Variants in CHRM2 observed in about 807,000 individuals in gnomAD.
The protein encoded by CHRM2 is cholinergic receptor muscarinic 2.
A neutral mutation model predicts 25.0 loss-of-function variants in CHRM2; 8 were observed. The ratio of observed to expected loss-of-function variants is 0.32; its 90% CI spans 0.19 to 0.58. The LOEUF (loss-of-function observed/expected upper bound fraction) is 0.58. Ranked by LOEUF, CHRM2 falls within the 20% of genes least tolerant of loss-of-function variation. The pLI is 0.88. For synonymous variants in CHRM2, 202 were observed against 205.7 expected, an observed-to-expected ratio of 0.98 and a Z score of 0.15; for missense variants, 440 against 567.1, an observed-to-expected ratio of 0.78 and a Z score of 2.28.
At chr7:136,982,879 T>C (rs1277928457) in intron 2 of CHRM2, among the ~76,000 whole-genome samples, 1 of 152,222 alleles carries the variant, frequency 6.6e-6, no homozygotes, top group Non-Finnish European at 1.5e-5. Context: ...TAACATTTTT[T>C]CCTTCATTTC....
intron 2 of CHRM2, among the ~76,000 whole-genome samples, chr7:136,901,517 G>A (rs1200886415): frequency 2.6e-5 from 4 of 152,022 alleles, no homozygotes; most frequent in Non-Finnish European, 5.9e-5. Context: ...GACCCAAACA[G>A]ATTAGCAGAT....
chr7:136,893,505 C>G (rs1050952288), intron 2 of CHRM2, among the ~76,000 whole-genome samples: 4 of 152,152 alleles, frequency 2.6e-5, no homozygotes, highest in Non-Finnish European at 5.9e-5. Flanking sequence ...TGATGGTTAT[C>G]TAAGATAACT....
At chr7:136,944,776 G>T (rs1799973922) in intron 2 of CHRM2, among the ~76,000 whole-genome samples, 1 of 151,958 alleles carries the variant, frequency 6.6e-6, no homozygotes, top group African/African-American at 2.4e-5. Flanking sequence ...GTACTATTAG[G>T]TTGGTGCAAA....
chr7:136,896,687 G>C (rs893598800), intron 2 of CHRM2, among the ~76,000 whole-genome samples: 17 of 152,028 alleles, frequency 1.1e-4, no homozygotes, highest in Non-Finnish European at 1.8e-4. Flanking sequence ...CTCAGCTGAG[G>C]CTAAAGAATC....
chr7:136,987,353 T>A (rs962141584), intron 2 of CHRM2, among the ~76,000 whole-genome samples: 2 of 152,188 alleles, frequency 1.3e-5, no homozygotes, highest in Non-Finnish European at 2.9e-5. Context: ...CTTCTCCACA[T>A]GTGGGGACTG....
chr7:136,883,834 C>T (rs1175596238), intron 2 of CHRM2, among the ~76,000 whole-genome samples: 2 of 152,120 alleles, frequency 1.3e-5, no homozygotes, highest in East Asian at 3.9e-4. Flanking sequence ...TATGAAATGA[C>T]GCCAACCTAT....
intron 3 of CHRM2, among the ~76,000 whole-genome samples, chr7:137,002,161 G>GT (rs1175756050): frequency 2.0e-5 from 3 of 151,982 alleles, no homozygotes; most frequent in Admixed American, 1.3e-4. Flanking sequence ...TGTTTTGTTT[G>GT]TTTTTTATCA....
intron 2 of CHRM2, among the ~76,000 whole-genome samples, chr7:136,882,724 C>T (rs1796313394): frequency 6.6e-6 from 1 of 151,980 alleles, no homozygotes; most frequent in African/African-American, 2.4e-5. Context: ...TTTATCTAAG[C>T]CTGAGCAAAA....
intron 2 of CHRM2, among the ~76,000 whole-genome samples, chr7:136,954,498 ATAGTT>A (rs1800603655): frequency 6.6e-6 from 1 of 152,176 alleles, no homozygotes; most frequent in African/African-American, 2.4e-5. Flanking sequence ...ACTTAATAAC[ATAGTT>A]TATTTTATTT....
chr7:136,918,554 T>C (rs2130721717), intron 2 of CHRM2, among the ~76,000 whole-genome samples: 1 of 148,944 alleles, frequency 6.7e-6, no homozygotes, highest in South Asian at 2.2e-4. Flanking sequence ...TGAAAATATT[T>C]CCCTGAAGTA....
chr7:136,934,821 G>A (rs1414114017), intron 2 of CHRM2, among the ~76,000 whole-genome samples: 1 of 150,426 alleles, frequency 6.6e-6, no homozygotes, highest in East Asian at 1.9e-4. Context: ...AGATTAATAT[G>A]CAAAAAGAAA....
rs984931593 is a variant in CHRM2 at position 136,869,248 on chromosome 7, T to G, written c.-282-13T>G. 4.6e-5 allele frequency: 7 copies of G among 152,354 alleles called. No individual in the cohort carries two copies. The highest frequency in any genetic ancestry group is 1.4e-4 in the African/African-American group (6 of 41,430). 9.4% of individuals were successfully genotyped at this position (152,354 alleles called of 1,614,324 possible). ...TCTCGGCATCAACTAATCTTTTCCT[T>G]TTCTTTTGCAAGATCAAGGGAGAAA... On this transcript the variant is annotated splice_polypyrimidine_tract_variant and intron_variant, in intron 1 of 3. Coordinates refer to ENST00000680005, the MANE Select transcript of CHRM2 (RefSeq NM_001006630.2). This position sits in a 1 kb window ranked among gnomAD's most constrained non-coding sequence, Gnocchi z 4.9.
chr7:136,920,495 C>A (rs1181761558), intron 2 of CHRM2, among the ~76,000 whole-genome samples: 1 of 152,088 alleles, frequency 6.6e-6, no homozygotes, highest in Non-Finnish European at 1.5e-5. Context: ...ATTTTTGAGG[C>A]TCTAGATGGC....
rs188861989 is a variant in CHRM2, at chr7:136,953,903, C to T, written c.-124-38284C>T. 3.6e-3 allele frequency among the ~76,000 whole-genome samples: 545 copies of T among 152,200 alleles called. 3 individuals are homozygous for T. Among genetic ancestry groups the T allele is most frequent in the Non-Finnish European group, 6.0e-3 (410 of 68,006 alleles). On this transcript the variant is annotated intron_variant, in intron 2 of 3. Coordinates refer to ENST00000680005, the MANE Select transcript of CHRM2 (RefSeq NM_001006630.2). Reference sequence around the variant, plus strand: ...GACTAATCCAAGCAGCACAGCACTGCCTCTGACTGGCACATGCATTAGGAC... The same window carrying T: ...GACTAATCCAAGCAGCACAGCACTGTCTCTGACTGGCACATGCATTAGGAC...
At chr7:136,989,412 AC>A (rs1182249798) in intron 2 of CHRM2, among the ~76,000 whole-genome samples, 1 of 152,158 alleles carries the variant, frequency 6.6e-6, no homozygotes, top group African/African-American at 2.4e-5. Flanking sequence ...ATGCATACTT[AC>A]GGAAATTCAG....
chr7:137,016,423 T>C lies in CHRM2; in HGVS notation c.*157T>C. 2.6e-6 allele frequency: 2 copies of C among 782,246 alleles called. No homozygotes were observed. Among genetic ancestry groups the C allele is most frequent in the Non-Finnish European group, 4.1e-6 (2 of 482,432 alleles). 48.5% of individuals were successfully genotyped at this position (782,246 alleles called of 1,614,324 possible). A position where few individuals can be genotyped will look rare whatever the true frequency, so the allele number is the denominator to read the frequency against. Reference sequence around the variant, plus strand: ...CCAGCAGTGACACACTTATCACGCCTAGGCTCCAGTTTGCAAAAATTGCAC... The same window carrying C: ...CCAGCAGTGACACACTTATCACGCCCAGGCTCCAGTTTGCAAAAATTGCAC... On this transcript the variant is annotated 3_prime_UTR_variant, in exon 4 of 4. Transcript: ENST00000680005.
At position 136,879,930 on chromosome 7, in the gene CHRM2, G is replaced by C. The variant is rs904992619; in HGVS notation, c.-125+10512G>C. On this transcript the variant is annotated intron_variant, in intron 2 of 3. Coordinates refer to ENST00000680005, the MANE Select transcript of CHRM2 (RefSeq NM_001006630.2). ...ATTGAAATGTTCAGTTTGAACCGCA[G>C]GGGTCGTTTTCATGGAAAAAAAACA... is the stretch of plus-strand genomic sequence containing the variant. 2.0e-5 allele frequency among the ~76,000 whole-genome samples: 3 copies of C among 151,894 alleles called. No homozygotes were observed. The East Asian group carries it at 5.8e-4, about 29-fold the overall frequency.
chr7:136,980,202 T>A (rs1035586037), intron 2 of CHRM2, among the ~76,000 whole-genome samples: 11 of 152,160 alleles, frequency 7.2e-5, no homozygotes, highest in Admixed American at 2.6e-4. Flanking sequence ...ATTCTCTTTG[T>A]AGCAGTTGTG....
intron 2 of CHRM2, among the ~76,000 whole-genome samples, chr7:136,896,361 G>C (rs1318591905): frequency 1.3e-5 from 2 of 152,122 alleles, no homozygotes; most frequent in African/African-American, 4.8e-5. Flanking sequence ...CTGTTTTCCT[G>C]AATTCCCAGG....
Sources: gnomAD v4.1 joint callset for allele counts (sites outside exome capture counted in the v4.1 genomes callset) on GRCh38, gnomAD v4.1.1 for gene constraint, Gnocchi (gnomAD v3.1) non-coding constraint, MANE v1.5 for transcripts, NCBI Gene and HGNC (gene_info 2026-07-23, HGNC 2026-07-21) for gene names.